MED12L: variants seen among roughly 807,000 people sequenced by gnomAD.
MED12L encodes the protein mediator of RNA polymerase II transcription subunit 12-like protein.
MED12L carries 60 observed loss-of-function variants against 281.3 expected under a neutral mutation model. That is an observed-to-expected ratio of 0.21 (90% CI 0.17 to 0.26). The LOEUF (loss-of-function observed/expected upper bound fraction) is 0.26, where lower values mean the gene tolerates loss of function less well. Ranked by LOEUF, MED12L falls within the 10% of genes least tolerant of loss-of-function variation. The pLI is 1.00. For missense variants in MED12L, 2,146 were observed against 2,680.9 expected (o/e 0.80, Z 4.41); for synonymous variants, 974 against 987.2 (o/e 0.99, Z 0.25).
At position 151,245,555 on chromosome 3, in the gene MED12L, GACAAAATTCA is replaced by G. The variant is rs1735239054; in HGVS notation, c.2250+51894_2250+51903del. Among the ~76,000 whole-genome samples, 3 of 149,754 alleles carry G rather than the reference GACAAAATTCA, an allele frequency of 2.0e-5. No individual in the cohort carries two copies. The South Asian group carries it at 6.6e-4, about 33-fold the overall frequency. On this transcript the variant is annotated intron_variant, in intron 16 of 44. Coordinates refer to ENST00000687756, the MANE Select transcript of MED12L (RefSeq NM_001393769.1). ...CTCAATAGATGCAGAAAAGGCCTTT[GACAAAATTCA>G]ACAACCCTTCATGCTGAAAACTCTC... is the stretch of plus-strand genomic sequence containing the variant.
intron 16 of MED12L, among the ~76,000 whole-genome samples, chr3:151,276,147 G>C (rs1465772224): frequency 6.6e-6 from 1 of 152,198 alleles, no homozygotes; most frequent in South Asian, 2.1e-4. Context: ...CCAGGACATG[G>C]GGTCACCCAA....
At position 151,394,864 on chromosome 3, in the gene MED12L, A is replaced by G; in HGVS notation, c.5817A>G (p.Gln1939=). Residue 1939 remains glutamine (Q), a synonymous_variant, in exon 39 of 45, where the codon CAA becomes CAG. Transcript: ENST00000687756. ...GGCAAGCCCAGACTCGGCCTTTCCA[A>G]CAGGTTTGTCCAGACCCCAGCAATG... The part of the protein sequence containing the change: ...LLRQAQTRPF[Q]QGQPGDQAAL... The G allele has an allele frequency of 6.2e-7, 1 of 1,613,894 alleles. No homozygotes were observed. Among genetic ancestry groups the G allele is most frequent in the Non-Finnish European group, 8.5e-7 (1 of 1,180,022 alleles).
chr3:151,200,208 T>C (rs1281989818), intron 16 of MED12L, among the ~76,000 whole-genome samples: 1 of 152,122 alleles, frequency 6.6e-6, no homozygotes. Context: ...AATGAAGTCT[T>C]GTCATGTCCC....
chr3:151,139,914 A>G (rs1477600497), intron 5 of MED12L, among the ~76,000 whole-genome samples: 4 of 152,254 alleles, frequency 2.6e-5, no homozygotes, highest in Non-Finnish European at 5.9e-5. Context: ...CATATAAACA[A>G]AAGTTAGCTA....
intron 16 of MED12L, among the ~76,000 whole-genome samples, chr3:151,310,258 A>G (rs1487680154): frequency 2.0e-5 from 3 of 152,246 alleles, no homozygotes; most frequent in Non-Finnish European, 4.4e-5. Flanking sequence ...AATAAAGTAC[A>G]CTGGGGAGAA....
chr3:151,113,821 G>T (rs1372216012), intron 2 of MED12L, among the ~76,000 whole-genome samples: 1 of 152,166 alleles, frequency 6.6e-6, no homozygotes, highest in African/African-American at 2.4e-5. Flanking sequence ...TCATCCCAGC[G>T]ATTAGCAGTT....
intron 17 of MED12L, among the ~76,000 whole-genome samples, chr3:151,352,067 A>G (rs1231358330): frequency 6.6e-6 from 1 of 152,234 alleles, no homozygotes; most frequent in African/African-American, 2.4e-5. Flanking sequence ...ATAATGAGAA[A>G]TCTTGGGGAT....
intron 16 of MED12L, among the ~76,000 whole-genome samples, chr3:151,228,667 G>A (rs933830478): frequency 2.0e-5 from 3 of 152,150 alleles, no homozygotes; most frequent in Non-Finnish European, 2.9e-5. Context: ...CAGAGTGTAT[G>A]TATGAAGTCC....
At chr3:151,296,417 C>T (rs549320125) in intron 16 of MED12L, among the ~76,000 whole-genome samples, 5 of 152,164 alleles carry the variant, frequency 3.3e-5, no homozygotes, top group Admixed American at 6.5e-5. Context: ...CCACGCTTCC[C>T]GCGGACTGCT....
intron 16 of MED12L, among the ~76,000 whole-genome samples, chr3:151,305,639 G>A (rs1329484910): frequency 6.6e-6 from 1 of 151,914 alleles, no homozygotes; most frequent in African/African-American, 2.4e-5. Flanking sequence ...GTAGAGCTGG[G>A]ATTCATATCA....
intron 16 of MED12L, chr3:151,338,049 T>C: frequency 6.2e-7 from 1 of 1,614,086 alleles, no homozygotes; most frequent in Non-Finnish European, 8.5e-7. Flanking sequence ...GTCAAAGACA[T>C]CCCGGGTTTG....
At chr3:151,209,721 A>G (rs1419528910) in intron 16 of MED12L, among the ~76,000 whole-genome samples, 22 of 152,150 alleles carry the variant, frequency 1.4e-4, no homozygotes, top group Admixed American at 1.4e-3. Flanking sequence ...GAGTTGAAAG[A>G]TACAGATGGC....
intron 16 of MED12L, among the ~76,000 whole-genome samples, chr3:151,311,835 A>G (rs978102848): frequency 6.6e-6 from 1 of 151,920 alleles, no homozygotes; most frequent in East Asian, 1.9e-4. Context: ...GACCAGCCTG[A>G]CCAACATGGT....
At chr3:151,118,348 A>G (rs1713197070) in intron 3 of MED12L, among the ~76,000 whole-genome samples, 2 of 152,168 alleles carry the variant, frequency 1.3e-5, no homozygotes, top group African/African-American at 4.8e-5. Flanking sequence ...AATAATTGAC[A>G]ATTTGTTAAA....
chr3:151,270,778 C>T (rs1446156237), intron 16 of MED12L, among the ~76,000 whole-genome samples: 2 of 152,140 alleles, frequency 1.3e-5, no homozygotes, highest in Non-Finnish European at 2.9e-5. Context: ...TTTAACATGA[C>T]ACATTTAAAA....
At chr3:151,279,477 C>G (rs1195420126) in intron 16 of MED12L, among the ~76,000 whole-genome samples, 1 of 152,208 alleles carries the variant, frequency 6.6e-6, no homozygotes, top group East Asian at 1.9e-4. Context: ...GTCTCACAGA[C>G]TTGCTAGTCA....
At chr3:151,239,314 C>G (rs1018528145) in intron 16 of MED12L, among the ~76,000 whole-genome samples, 1 of 152,174 alleles carries the variant, frequency 6.6e-6, no homozygotes, top group Non-Finnish European at 1.5e-5. Context: ...ATATTGCAAT[C>G]ATGCTTTAAA....
chr3:151,355,109 A>G lies in MED12L; in HGVS notation c.2399-12A>G. ...AAATGGAAAATAATGGATCTGCTTT[A>G]TGTTTATGTAGTTGGGGACGAAGGA... On this transcript the variant is annotated splice_polypyrimidine_tract_variant and intron_variant, in intron 17 of 44. Coordinates refer to ENST00000687756, the MANE Select transcript of MED12L (RefSeq NM_001393769.1). The G allele has an allele frequency of 6.3e-7, 1 of 1,589,670 alleles. No homozygotes were observed. Among genetic ancestry groups the G allele is most frequent in the Non-Finnish European group, 8.6e-7 (1 of 1,158,666 alleles).
At chr3:151,243,283 T>G (rs1346722496) in intron 16 of MED12L, among the ~76,000 whole-genome samples, 2 of 151,466 alleles carry the variant, frequency 1.3e-5, no homozygotes, top group Non-Finnish European at 1.5e-5. Flanking sequence ...AAGATACTCC[T>G]CGAGAAGAGC....
Sources: allele counts gnomAD v4.1 joint callset (sites outside exome capture counted in the v4.1 genomes callset), GRCh38; gene constraint gnomAD v4.1.1; transcripts MANE v1.5; gene names NCBI Gene and HGNC (gene_info 2026-07-23, HGNC 2026-07-21).